The following GALNT18 variants were observed in gnomAD, a reference collection of about 807,000 sequenced individuals.
GALNT18 encodes the protein GalNAc-transferase 18.
A neutral mutation model predicts 69.5 loss-of-function variants in GALNT18; 44 were observed. That is an observed-to-expected ratio of 0.63 (90% CI 0.50 to 0.81). The LOEUF is 0.81. Among genes scored for constraint, GALNT18 ranks in the 40% least tolerant of loss-of-function variants. GALNT18 has a pLI of 0.00. For missense variants in GALNT18, 715 were observed against 810.0 expected (o/e 0.88, Z 1.42); for synonymous variants, 364 against 318.2 (o/e 1.14, Z -1.53).
At chr11:11,280,911 G>C (rs960462419) in intron 10 of GALNT18, among the ~76,000 whole-genome samples, 7 of 152,192 alleles carry the variant, frequency 4.6e-5, no homozygotes, top group Admixed American at 4.6e-4. Context: ...GGCATCCCCT[G>C]TGCCAGTTGC....
At chr11:11,391,950 G>A (rs151050118) in intron 3 of GALNT18, among the ~76,000 whole-genome samples, 8 of 152,330 alleles carry the variant, frequency 5.3e-5, no homozygotes, top group South Asian at 2.1e-4. Context: ...TGCCACAGGC[G>A]TGTGTTTCGT....
chr11:11,534,807 C>G (rs1025260387), intron 1 of GALNT18, among the ~76,000 whole-genome samples: 1 of 152,266 alleles, frequency 6.6e-6, no homozygotes, highest in Non-Finnish European at 1.5e-5. Context: ...TCTCCTGCCA[C>G]CTGTCCTGCG....
intron 8 of GALNT18, among the ~76,000 whole-genome samples, chr11:11,330,575 G>A (rs1242105215): frequency 1.3e-5 from 2 of 152,316 alleles, no homozygotes; most frequent in South Asian, 2.1e-4. Context: ...TCTGCCAGCT[G>A]CAGGGATGGC....
intron 10 of GALNT18, among the ~76,000 whole-genome samples, chr11:11,289,702 AGAGCGTGGGTGGGAAGG>A (rs1197426635): frequency 6.6e-6 from 1 of 152,198 alleles, no homozygotes; most frequent in Non-Finnish European, 1.5e-5. Context: ...TGGGGACCTC[AGAGCGTGGGTGGGAAGG>A]ATTCTGTGAG....
rs1590031619 is a variant in GALNT18, at chr11:11,470,426, C to A, written c.236-21490G>T. The stretch of plus-strand genomic sequence containing the variant: ...CAAGAAGAAGCCCCCTATCCTTCTC[C>A]ATTTATCTCACTTTCCCTCTGTCAT... On this transcript the variant is annotated intron_variant, in intron 1 of 10. Transcript: ENST00000227756. The surrounding 1 kb of genome is among the most constrained non-coding windows in gnomAD (Gnocchi z 4.8). Among the ~76,000 whole-genome samples the A allele has an allele frequency of 6.6e-6, 1 of 152,198 alleles. No individual in the cohort carries two copies. Among genetic ancestry groups the A allele is most frequent in the East Asian group, 1.9e-4 (1 of 5,196 alleles).
chr11:11,489,958 C>A lies in GALNT18; in HGVS notation c.236-41022G>T, dbSNP rs556460189. Among the ~76,000 whole-genome samples, 77 of 152,272 alleles carry A rather than the reference C, an allele frequency of 5.1e-4. 1 individual carries two copies. In the South Asian group the frequency reaches 9.6e-3, roughly 19 times the overall value. On this transcript the variant is annotated intron_variant, in intron 1 of 10. Transcript: ENST00000227756. ...CTGACCACTACTCTATACTGCCTCA[C>A]AACATGGCTGCCATGGTTTGAATGT...
chr11:11,594,815 G>A lies in GALNT18; in HGVS notation c.235+26544C>T, dbSNP rs868495877. 1.1e-3 allele frequency among the ~76,000 whole-genome samples: 48 copies of A among 43,640 alleles called. 1 individual carries two copies. The highest frequency in any genetic ancestry group is 3.2e-3 in the African/African-American group (41 of 12,820). The allele number at this position is 43,640 out of a possible 152,430, so 28.6% of individuals were successfully genotyped here. A position where few individuals can be genotyped will look rare whatever the true frequency, so the allele number is the denominator to read the frequency against. On this transcript the variant is annotated intron_variant, in intron 1 of 10. Transcript: ENST00000227756. ...AGATATGTGTTTTCAATTATCTTGG[G>A]CATATATATATATATATATATATAT...
At position 11,419,707 on chromosome 11, in the gene GALNT18, T is replaced by C. The variant is rs16924661; in HGVS notation, c.595+12914A>G. The stretch of plus-strand genomic sequence containing the variant: ...CTTTGTGTCAATATGATTATCAGGA[T>C]TTCTCTCATGGCAGCCACCCCAAGA... On this transcript the variant is annotated intron_variant, in intron 3 of 10. Coordinates refer to ENST00000227756, the MANE Select transcript of GALNT18 (RefSeq NM_198516.3). Among the ~76,000 whole-genome samples, 1,161 of 151,502 alleles carry C rather than the reference T, an allele frequency of 7.7e-3. 10 individuals carry two copies. Among genetic ancestry groups the C allele is most frequent in the African/African-American group, 0.024 (995 of 41,196 alleles).
chr11:11,544,352 C>T (rs1217868374), intron 1 of GALNT18, among the ~76,000 whole-genome samples: 1 of 152,194 alleles, frequency 6.6e-6, no homozygotes, highest in Non-Finnish European at 1.5e-5. Flanking sequence ...CACTCTGATA[C>T]CTGCTAAGTT....
chr11:11,478,835 G>A (rs1451862121), intron 1 of GALNT18, among the ~76,000 whole-genome samples: 1 of 151,502 alleles, frequency 6.6e-6, no homozygotes, highest in Non-Finnish European at 1.5e-5. Context: ...GCCAACAGGA[G>A]GCACTGAAGA....
At chr11:11,313,158 C>T (rs1288892781) in intron 9 of GALNT18, among the ~76,000 whole-genome samples, 1 of 152,094 alleles carries the variant, frequency 6.6e-6, no homozygotes, top group African/African-American at 2.4e-5. Context: ...TGCTCGGGCC[C>T]TGGAATGCTG....
chr11:11,452,290 C>T (rs1405827333), intron 1 of GALNT18, among the ~76,000 whole-genome samples: 2 of 152,190 alleles, frequency 1.3e-5, no homozygotes. Flanking sequence ...TCCACCTCAC[C>T]CTGAGCCTCA....
In GALNT18 at chr11:11,430,811, C is replaced by A. The variant is rs1855246941; in HGVS notation, c.595+1810G>T. Reference sequence around the variant, plus strand: ...GGCCTCTTGACTTCTCTCTCTACTGCTGCAATAGCCTTCTCATCCATTTCC... The same window carrying A: ...GGCCTCTTGACTTCTCTCTCTACTGATGCAATAGCCTTCTCATCCATTTCC... On this transcript the variant is annotated intron_variant, in intron 3 of 10. Coordinates refer to ENST00000227756, the MANE Select transcript of GALNT18 (RefSeq NM_198516.3). This position sits in a 1 kb window ranked among gnomAD's most constrained non-coding sequence, Gnocchi z 4.9. 6.6e-6 allele frequency among the ~76,000 whole-genome samples: 1 copy of A among 152,220 alleles called. No individual in the cohort carries two copies. The highest frequency in any genetic ancestry group is 1.5e-5 in the Non-Finnish European group (1 of 68,040).
chr11:11,603,707 T>C lies in GALNT18; in HGVS notation c.235+17652A>G, dbSNP rs1411807688. 6.6e-6 allele frequency among the ~76,000 whole-genome samples: 1 copy of C among 152,222 alleles called. No individual in the cohort carries two copies. Among genetic ancestry groups the C allele is most frequent in the Non-Finnish European group, 1.5e-5 (1 of 68,034 alleles). On this transcript the variant is annotated intron_variant, in intron 1 of 10. Coordinates refer to ENST00000227756, the MANE Select transcript of GALNT18 (RefSeq NM_198516.3). This position sits in a 1 kb window ranked among gnomAD's most constrained non-coding sequence, Gnocchi z 4.5. Reference sequence around the variant, plus strand: ...TGGATTTTATTGGATCCAGTGTTATTTGAGACATCTGGCTAGCTGGGGACT... The same window carrying C: ...TGGATTTTATTGGATCCAGTGTTATCTGAGACATCTGGCTAGCTGGGGACT...
chr11:11,514,387 C>T (rs1857224261), intron 1 of GALNT18, among the ~76,000 whole-genome samples: 1 of 152,162 alleles, frequency 6.6e-6, no homozygotes, highest in South Asian at 2.1e-4. Flanking sequence ...AAGCCACCTC[C>T]AAGGAAGCAG....
chr11:11,288,684 G>A (rs1849240466), intron 10 of GALNT18, among the ~76,000 whole-genome samples: 1 of 152,192 alleles, frequency 6.6e-6, no homozygotes, highest in Middle Eastern at 3.2e-3. Context: ...GCCAAGAGAT[G>A]TTTTCATCAA....
intron 3 of GALNT18, among the ~76,000 whole-genome samples, chr11:11,401,725 A>C (rs1854471810): frequency 6.6e-6 from 1 of 152,270 alleles, no homozygotes; most frequent in Non-Finnish European, 1.5e-5. Context: ...CACATTCAGC[A>C]AACTTTTACT....
rs1302971831 is a variant in GALNT18 at position 11,600,392 on chromosome 11, C to A, written c.235+20967G>T. 1.3e-5 allele frequency among the ~76,000 whole-genome samples: 2 copies of A among 151,942 alleles called. No individual in the cohort carries two copies. Among genetic ancestry groups the A allele is most frequent in the Non-Finnish European group, 2.9e-5 (2 of 67,918 alleles). On this transcript the variant is annotated intron_variant, in intron 1 of 10. Coordinates refer to ENST00000227756, the MANE Select transcript of GALNT18 (RefSeq NM_198516.3). The surrounding 1 kb of genome is among the most constrained non-coding windows in gnomAD (Gnocchi z 4.8). ...TGTATTCATTTTGTCTTCAACTATTCTTTTGAAGAATAGTTTTGCTGTGTA... is the reference window on the plus strand; with the variant it reads ...TGTATTCATTTTGTCTTCAACTATTATTTTGAAGAATAGTTTTGCTGTGTA...
At position 11,281,607 on chromosome 11, in the gene GALNT18, C is replaced by T. The variant is rs956542946; in HGVS notation, c.1678-10317G>A. Among the ~76,000 whole-genome samples, 36 of 152,266 alleles carry T rather than the reference C, an allele frequency of 2.4e-4. 1 individual carries two copies. The highest frequency in any genetic ancestry group is 8.4e-4 in the African/African-American group (35 of 41,544). The stretch of plus-strand genomic sequence containing the variant: ...ACACCACAGCCCTTTCTTTGCTTGC[C>T]TTTCAAGGGACACCTTGCCAAGGTC... On this transcript the variant is annotated intron_variant, in intron 10 of 10. Coordinates refer to ENST00000227756, the MANE Select transcript of GALNT18 (RefSeq NM_198516.3).
Sources: gnomAD v4.1 joint callset for allele counts (sites outside exome capture counted in the v4.1 genomes callset) on GRCh38, gnomAD v4.1.1 for gene constraint, Gnocchi (gnomAD v3.1) non-coding constraint, MANE v1.5 for transcripts, NCBI Gene and HGNC (gene_info 2026-07-23, HGNC 2026-07-21) for gene names.